The following PLEKHG4B variants were observed in gnomAD, a reference collection of about 807,000 sequenced individuals.
PLEKHG4B encodes the protein pleckstrin homology domain-containing family G member 4B.
In PLEKHG4B, 111 loss-of-function variants were observed where a neutral mutation model predicts 121.3. That is an observed-to-expected ratio of 0.92 (90% CI 0.78 to 1.07). The LOEUF (loss-of-function observed/expected upper bound fraction) is 1.07. Among genes scored for constraint, PLEKHG4B ranks in the 50% least tolerant of loss-of-function variants. PLEKHG4B has a pLI of 0.00. For synonymous variants in PLEKHG4B, 738 were observed against 725.0 expected (o/e 1.02, Z -0.29); for missense variants, 1,831 against 1,757.8 (o/e 1.04, Z -0.74).
At chr5:99,170 G>GTGTATA (rs1303364136) in intron 1 of PLEKHG4B, among the ~76,000 whole-genome samples, 1 of 100,510 alleles carries the variant, frequency 9.9e-6, no homozygotes, top group African/African-American at 4.0e-5. Context: ...AAAAAAAAGT[G>GTGTATA]TATATATATA....
chr5:122,164 A>G (rs939684537), intron 2 of PLEKHG4B, among the ~76,000 whole-genome samples: 1 of 152,204 alleles, frequency 6.6e-6, no homozygotes, highest in Admixed American at 6.5e-5. Context: ...ACAAAGAGAT[A>G]CAACTAAATA....
At chr5:154,659 G>T (rs1414185067) in intron 7 of PLEKHG4B, among the ~76,000 whole-genome samples, 1 of 144,212 alleles carries the variant, frequency 6.9e-6, no homozygotes, top group Non-Finnish European at 1.5e-5. Flanking sequence ...CTTCACTGAG[G>T]CCTTTCCTTC....
chr5:162,866 G>T lies in PLEKHG4B; in HGVS notation c.2794G>T (p.Ala932Ser). The change falls in exon 13 of 20, where the codon GCC becomes TCC. Residue 932 changes from alanine (A) to serine (S), a missense_variant. Physicochemically the swap from Ala to Ser is moderately conservative, Grantham distance 99. Coordinates refer to ENST00000637938, the MANE Select transcript of PLEKHG4B (RefSeq NM_052909.5). ...GAGVAVLKPHALGKPWASQQD... is the reference protein window; with the variant it reads ...GAGVAVLKPHSLGKPWASQQD... ...AGGTGTGGCAGTGCTGAAGCCTCAT[G>T]CCCTGGGGAAACCGTGGGCATCACA... 1.3e-6 allele frequency: 2 copies of T among 1,519,584 alleles called. No homozygotes were observed. The highest frequency in any genetic ancestry group is 1.8e-6 in the Non-Finnish European group (2 of 1,132,384). The allele number at this position is 1,519,584 out of a possible 1,614,324, so 94.1% of individuals were successfully genotyped here.
Position 143,435 on chromosome 5 carries a change from C to G in PLEKHG4B, c.1743C>G (p.Leu581=). 2 of 1,612,894 alleles carry G rather than the reference C, an allele frequency of 1.2e-6. No individual in the cohort carries two copies. The highest frequency in any genetic ancestry group is 3.3e-4 in the Middle Eastern group (2 of 6,062). The change falls in exon 5 of 20, where the codon CTC becomes CTG. Residue 581 remains leucine, a synonymous_variant. Transcript: ENST00000637938. ...TGCAGGTCCGCACCAGGAGCCTGCT[C>G]TGGACCAGGGAACACTCGTCCTGTG... The part of the protein sequence containing the change: ...AVVQVRTRSL[L]WTREHSSCAE...
chr5:106,417 A>T (rs918131120), intron 1 of PLEKHG4B, among the ~76,000 whole-genome samples: 1 of 152,162 alleles, frequency 6.6e-6, no homozygotes, highest in African/African-American at 2.4e-5. Context: ...AGATTTCATG[A>T]TAGAAATTAC....
intron 18 of PLEKHG4B, among the ~76,000 whole-genome samples, chr5:174,368 C>T (rs1271790087): frequency 2.0e-3 from 17 of 8,462 alleles, no homozygotes; most frequent in Non-Finnish European, 1.6e-3. Context: ...GTCCAGGGGT[C>T]GGGGGCTAAG....
chr5:118,831 G>T (rs1437244477), intron 2 of PLEKHG4B, among the ~76,000 whole-genome samples: 1 of 140,504 alleles, frequency 7.1e-6, no homozygotes, highest in Non-Finnish European at 1.5e-5. Flanking sequence ...ATATTGGAGA[G>T]CCCACATTCT....
chr5:106,688 G>C (rs572438477), intron 1 of PLEKHG4B, among the ~76,000 whole-genome samples: 30 of 152,350 alleles, frequency 2.0e-4, no homozygotes, highest in Admixed American at 1.6e-3. Flanking sequence ...GCAGCAGGGT[G>C]AGGGCTGAGA....
At chr5:181,380 C>A in intron 18 of PLEKHG4B, 134 bp from the exon 19 acceptor site, 1 of 905,760 alleles carries the variant, frequency 1.1e-6, no homozygotes. Flanking sequence ...CCCCCATGCC[C>A]CTCGTGGGGC....
intron 6 of PLEKHG4B, among the ~76,000 whole-genome samples, chr5:147,656 A>G (rs1003675817): frequency 6.6e-6 from 1 of 152,202 alleles, no homozygotes; most frequent in African/African-American, 2.4e-5. Context: ...CTCAGTTTCC[A>G]TAAAACTTTT....
At chr5:129,259 G>A (rs930316884) in intron 2 of PLEKHG4B, among the ~76,000 whole-genome samples, 2 of 152,188 alleles carry the variant, frequency 1.3e-5, no homozygotes, top group Admixed American at 6.5e-5. Flanking sequence ...TCTCACTGAA[G>A]CCTGCTACTT....
chr5:139,341 A>G lies in PLEKHG4B; in HGVS notation c.244-142A>G. 5.0e-6 allele frequency: 2 copies of G among 397,998 alleles called. No individual in the cohort carries two copies. The highest frequency in any genetic ancestry group is 8.8e-6 in the Non-Finnish European group (2 of 226,258). The allele number at this position is 397,998 out of a possible 1,614,324, so 24.7% of individuals were successfully genotyped here. On this transcript the variant is annotated intron_variant, in intron 2 of 19. Coordinates refer to ENST00000637938, the MANE Select transcript of PLEKHG4B (RefSeq NM_052909.5). The surrounding 1 kb of genome is among the most constrained non-coding windows in gnomAD (Gnocchi z 5.0). ...AATGACCTGCTTTATGTTCCAAGGAACAGGACACCCCAGCCCCCGTGAGAC... is the reference window on the plus strand; with the variant it reads ...AATGACCTGCTTTATGTTCCAAGGAGCAGGACACCCCAGCCCCCGTGAGAC...
intron 6 of PLEKHG4B, among the ~76,000 whole-genome samples, chr5:148,675 A>T (rs745958005): frequency 6.6e-6 from 1 of 152,210 alleles, no homozygotes; most frequent in East Asian, 1.9e-4. Flanking sequence ...ATTCAGTGCA[A>T]TCCCTATCAA....
intron 1 of PLEKHG4B, among the ~76,000 whole-genome samples, chr5:104,424 G>C (rs1733915291): frequency 6.6e-6 from 1 of 152,192 alleles, no homozygotes; most frequent in Non-Finnish European, 1.5e-5. Flanking sequence ...ACCGTATCCA[G>C]CATATAATAA....
intron 18 of PLEKHG4B, among the ~76,000 whole-genome samples, chr5:180,382 A>G (rs1268249287): frequency 6.6e-6 from 1 of 152,108 alleles, no homozygotes; most frequent in African/African-American, 2.4e-5. Context: ...CCTTCCTCCC[A>G]GTGGTCCTTG....
chr5:152,749 TCTC>T (rs753155380), intron 7 of PLEKHG4B, among the ~76,000 whole-genome samples: 3 of 152,160 alleles, frequency 2.0e-5, no homozygotes, highest in Non-Finnish European at 4.4e-5. Flanking sequence ...CCCACACAAA[TCTC>T]CTCTCAAATT....
chr5:111,720 C>T (rs375483150), intron 1 of PLEKHG4B, among the ~76,000 whole-genome samples: 6 of 152,146 alleles, frequency 3.9e-5, no homozygotes, highest in African/African-American at 1.4e-4. Context: ...GGCCCAGTGT[C>T]GACATTTCAG....
rs1178701011 is a variant in PLEKHG4B, at chr5:101,576, A to T, written c.45+9300A>T. Among the ~76,000 whole-genome samples the T allele has an allele frequency of 5.3e-5, 7 of 131,570 alleles. No homozygotes were observed. The East Asian group carries it at 1.5e-3, about 28-fold the overall frequency. The allele number at this position is 131,570 out of a possible 152,430, so 86.3% of individuals were successfully genotyped here. On this transcript the variant is annotated intron_variant, in intron 1 of 19. Coordinates refer to ENST00000637938, the MANE Select transcript of PLEKHG4B (RefSeq NM_052909.5). ...TCTGGAAAAAGTCTGTAGGGGAGAG[A>T]CTGTTGTGAGGTAAATCCATATAAA...
chr5:110,363 AC>A (rs1202311708), intron 1 of PLEKHG4B, among the ~76,000 whole-genome samples: 1 of 144,192 alleles, frequency 6.9e-6, no homozygotes, highest in African/African-American at 2.6e-5. Flanking sequence ...CCACTCTGCA[AC>A]ACACATGCAC....
Sources: allele counts gnomAD v4.1 joint callset (sites outside exome capture counted in the v4.1 genomes callset), GRCh38; gene constraint gnomAD v4.1.1; non-coding constraint Gnocchi (gnomAD v3.1); transcripts MANE v1.5; gene names NCBI Gene and HGNC (gene_info 2026-07-23, HGNC 2026-07-21).